Variants in SEC14L1 observed in about 807,000 individuals in gnomAD.
The protein encoded by SEC14L1 is SEC14 like lipid binding 1, also known as SEC14-like protein 1.
In SEC14L1, 48 loss-of-function variants were observed where a neutral mutation model predicts 85.3. The observed-to-expected ratio is 0.56, with a 90% CI of 0.45 to 0.72. The LOEUF (loss-of-function observed/expected upper bound fraction) is 0.72. Ranked by LOEUF, SEC14L1 falls within the 30% of genes least tolerant of loss-of-function variation. The pLI, the probability that SEC14L1 is intolerant of heterozygous loss-of-function variation, is 0.00. For synonymous variants in SEC14L1, 391 were observed against 355.5 expected (o/e 1.10, Z -1.12); for missense variants, 682 against 921.4 (o/e 0.74, Z 3.36).
chr17:77,137,159 T>C (rs543072376), upstream of SEC14L1, among the ~76,000 whole-genome samples: 2 of 152,228 alleles, frequency 1.3e-5, no homozygotes, highest in Non-Finnish European at 2.9e-5. Flanking sequence ...TCCACCTGCC[T>C]TGGCCTCCCA....
chr17:77,158,100 G>C (rs1011331864), intron 3 of SEC14L1, among the ~76,000 whole-genome samples: 4 of 152,200 alleles, frequency 2.6e-5, no homozygotes, highest in Admixed American at 6.5e-5. Context: ...ATATTGGCCA[G>C]ACTGGTCTCG....
intron 3 of SEC14L1, among the ~76,000 whole-genome samples, chr17:77,185,799 G>A (rs138981196): frequency 2.6e-5 from 4 of 151,990 alleles, no homozygotes; most frequent in East Asian, 1.9e-4. Flanking sequence ...GGAATTGTTC[G>A]TGTTCGGTAC....
In SEC14L1 at chr17:77,191,005, G is replaced by A. The variant is rs915959014; in HGVS notation, c.213+53G>A. 3 of 1,599,922 alleles carry A rather than the reference G, an allele frequency of 1.9e-6. No individual in the cohort carries two copies. In the African/African-American group the frequency reaches 4.0e-5, roughly 21 times the overall value. On this transcript the variant is annotated intron_variant, in intron 4 of 16. Transcript: ENST00000436233. Reference sequence around the variant, plus strand: ...GGAAAGGGCGTCCTGGTGGGAGAGGGCGTCCTGGTGGGAGAGGGCGTCCTG... The same window carrying A: ...GGAAAGGGCGTCCTGGTGGGAGAGGACGTCCTGGTGGGAGAGGGCGTCCTG...
chr17:77,168,803 C>T (rs1034464659), intron 3 of SEC14L1, among the ~76,000 whole-genome samples: 4 of 152,106 alleles, frequency 2.6e-5, no homozygotes, highest in East Asian at 1.9e-4. Context: ...GCATCGTCTG[C>T]ATAATTGACA....
chr17:77,161,928 C>T (rs1384406954), intron 3 of SEC14L1, among the ~76,000 whole-genome samples: 2 of 128,940 alleles, frequency 1.6e-5, no homozygotes, highest in Admixed American at 1.6e-4. Flanking sequence ...CTTCTTTCTT[C>T]TTCTTCTTTT....
chr17:77,107,822 C>G (rs932770529), intron 3 of SEC14L1, among the ~76,000 whole-genome samples: 10 of 152,232 alleles, frequency 6.6e-5, no homozygotes, highest in African/African-American at 1.9e-4. Context: ...GACACTATCA[C>G]AGATGCCTGA....
At chr17:77,181,394 A>G (rs1052712073) in intron 3 of SEC14L1, among the ~76,000 whole-genome samples, 2 of 152,076 alleles carry the variant, frequency 1.3e-5, no homozygotes, top group African/African-American at 2.4e-5. Context: ...CTTCTTTTCT[A>G]TTGCTGTATA....
rs1976972236 is a variant in SEC14L1, at chr17:77,215,082, CTGTGTGTGTGCATGTGT to C, written c.*1060_*1076del. ...TCATGCGTGTGTGTGTGTGCATGTG[CTGTGTGTGTGCATGTGT>C]GCATGACGGTGGGGGTGCTGGGGGG... On this transcript the variant is annotated 3_prime_UTR_variant, in exon 17 of 17. Transcript: ENST00000436233. 3.0e-6 allele frequency: 3 copies of C among 984,778 alleles called. No individual in the cohort carries two copies. Among genetic ancestry groups the C allele is most frequent in the Admixed American group, 6.2e-5 (1 of 16,214 alleles). The allele number at this position is 984,778 out of a possible 1,614,324, so 61.0% of individuals were successfully genotyped here. A position where few individuals can be genotyped will look rare whatever the true frequency, so the allele number is the denominator to read the frequency against.
chr17:77,214,800 G>T lies in SEC14L1; in HGVS notation c.*777G>T. 1 of 985,360 alleles carries T rather than the reference G, an allele frequency of 1.0e-6. No individual in the cohort carries two copies. Among genetic ancestry groups the T allele is most frequent in the Non-Finnish European group, 1.2e-6 (1 of 830,002 alleles). The allele number at this position is 985,360 out of a possible 1,614,324, so 61.0% of individuals were successfully genotyped here. On this transcript the variant is annotated 3_prime_UTR_variant, in exon 17 of 17. Coordinates refer to ENST00000436233, the MANE Select transcript of SEC14L1 (RefSeq NM_001143998.2). Reference sequence around the variant, plus strand: ...GGGGGGGTTCTTCCCGTTTCCTTCCGTGCGTCGCCCCTCTCACCTGCAGTC... The same window carrying T: ...GGGGGGGTTCTTCCCGTTTCCTTCCTTGCGTCGCCCCTCTCACCTGCAGTC...
chr17:77,133,958 C>A (rs1027849772), intron 3 of SEC14L1, among the ~76,000 whole-genome samples: 1 of 118,696 alleles, frequency 8.4e-6, no homozygotes, highest in Non-Finnish European at 1.9e-5. Flanking sequence ...AAAAAAAAAG[C>A]TCTGGAAGCG....
rs771527224 is a variant in SEC14L1, at chr17:77,211,941, CT to C, written c.1612-4del. 1.2e-6 allele frequency: 2 copies of C among 1,612,924 alleles called. No individual in the cohort carries two copies. Among genetic ancestry groups the C allele is most frequent in the African/African-American group, 2.7e-5 (2 of 74,912 alleles). ...GGATCGTGGCTGCCTAACGCTGCCT[CT>C]TTTTCAGATTCTCATTCAGATTGTG... is the stretch of plus-strand genomic sequence containing the variant. On this transcript the variant is annotated splice_region_variant and splice_polypyrimidine_tract_variant and intron_variant, in intron 14 of 16. Transcript: ENST00000436233.
intron 3 of SEC14L1, among the ~76,000 whole-genome samples, chr17:77,147,092 C>T (rs888915557): frequency 1.3e-5 from 2 of 152,218 alleles, no homozygotes; most frequent in African/African-American, 4.8e-5. Context: ...ACGGTGGCGG[C>T]AGGAGTGGCC....
At chr17:77,149,297 G>A (rs1456296789) in intron 3 of SEC14L1, among the ~76,000 whole-genome samples, 4 of 152,162 alleles carry the variant, frequency 2.6e-5, no homozygotes, top group African/African-American at 4.8e-5. Context: ...TCCCAAGCGC[G>A]GGTGCTAAGG....
chr17:77,196,225 A>G lies in SEC14L1; in HGVS notation c.733A>G (p.Lys245Glu), dbSNP rs773345347. ...AGACAAACTAGATGCCGACTACATC[A>G]AGAGATACCTGGGCGATTTGACTCC... ...PDDKLDADYI[K>E]RYLGDLTPLQ... The change falls in exon 8 of 17, where the codon AAG (lysine) becomes GAG (glutamate). Residue 245 changes from lysine (K) to glutamate (E), a missense_variant. By Grantham distance (56) the Lys-to-Glu change is moderately conservative. Coordinates refer to ENST00000436233, the MANE Select transcript of SEC14L1 (RefSeq NM_001143998.2). The G allele has an allele frequency of 1.9e-6, 3 of 1,614,066 alleles. No homozygotes were observed. The highest frequency in any genetic ancestry group is 1.7e-6 in the Non-Finnish European group (2 of 1,179,910).
chr17:77,142,406 A>G (rs1260667059), intron 1 of SEC14L1, among the ~76,000 whole-genome samples: 1 of 151,970 alleles, frequency 6.6e-6, no homozygotes, highest in African/African-American at 2.4e-5. Context: ...GAAACCTTCT[A>G]CAAAAAATAT....
chr17:77,153,625 T>G (rs1295407923), intron 3 of SEC14L1, among the ~76,000 whole-genome samples: 4 of 152,168 alleles, frequency 2.6e-5, no homozygotes, highest in African/African-American at 7.2e-5. Context: ...TGGCAGCGTT[T>G]CTATGTAGTG....
At chr17:77,131,044 C>T (rs1972595806) in intron 3 of SEC14L1, among the ~76,000 whole-genome samples, 3 of 152,158 alleles carry the variant, frequency 2.0e-5, no homozygotes, top group Non-Finnish European at 4.4e-5. Context: ...ACTTACAGTT[C>T]AACAGAAGAC....
chr17:77,175,039 T>C (rs1234248881), intron 3 of SEC14L1, among the ~76,000 whole-genome samples: 1 of 152,174 alleles, frequency 6.6e-6, no homozygotes, highest in Non-Finnish European at 1.5e-5. Context: ...GCAGTCTGTC[T>C]GTTACAGTAC....
intron 3 of SEC14L1, among the ~76,000 whole-genome samples, chr17:77,156,574 TA>T (rs574920988): frequency 0.023 from 3,127 of 136,380 alleles, 50 homozygotes; most frequent in South Asian, 0.097. Flanking sequence ...GACTCCGTCT[TA>T]AAAAAAAAAA....
Sources: gnomAD v4.1 joint callset for allele counts (sites outside exome capture counted in the v4.1 genomes callset) on GRCh38, gnomAD v4.1.1 for gene constraint, MANE v1.5 for transcripts, NCBI Gene and HGNC (gene_info 2026-07-23, HGNC 2026-07-21) for gene names.